NDUFAF7: variants seen among roughly 807,000 people sequenced by gnomAD.
NDUFAF7 encodes protein arginine methyltransferase NDUFAF7, mitochondrial.
A neutral mutation model predicts 47.2 loss-of-function variants in NDUFAF7; 48 were observed. That is an observed-to-expected ratio of 1.02 (90% confidence interval 0.81 to 1.29). The LOEUF is 1.29. Ranked by LOEUF, NDUFAF7 falls within the 50% of genes most tolerant of loss-of-function variation. The probability of loss-of-function intolerance (pLI) is 0.00; values close to 1 mark genes in which losing one functional copy is unlikely to be tolerated. For missense variants in NDUFAF7, 635 were observed against 537.6 expected, an observed-to-expected ratio of 1.18 and a Z score of -1.79; for synonymous variants, 217 against 190.0, an observed-to-expected ratio of 1.14 and a Z score of -1.17.
chr2:37,239,424 C>T lies in NDUFAF7; in HGVS notation c.408+1557C>T, dbSNP rs142388595. ...ATGAGCCCCCGTACCCAGCCTTGTA[C>T]AACCTTTTTGAAAAGCTATTGGCCA... On this transcript the variant is annotated intron_variant, in intron 4 of 9. Coordinates refer to ENST00000002125, the MANE Select transcript of NDUFAF7 (RefSeq NM_144736.5). Among the ~76,000 whole-genome samples the T allele has an allele frequency of 1.7e-3, 258 of 152,210 alleles. 1 individual carries two copies. The highest frequency in any genetic ancestry group is 6.0e-3 in the African/African-American group (251 of 41,532).
downstream of NDUFAF7, among the ~76,000 whole-genome samples, chr2:37,257,667 A>T (rs1668075832): frequency 1.3e-5 from 1 of 78,736 alleles, no homozygotes; most frequent in Non-Finnish European, 2.1e-5. Context: ...ACTCTGTCTC[A>T]AAAGAAAAAA....
rs767858865 is a variant in NDUFAF7 at position 37,247,579 on chromosome 2, A to G, written c.1060A>G (p.Ile354Val). 4 of 1,614,130 alleles carry G rather than the reference A, an allele frequency of 2.5e-6. No homozygotes were observed. The highest frequency in any genetic ancestry group is 1.1e-5 in the South Asian group (1 of 91,086). The change falls in exon 9 of 10, where the codon ATA becomes GTA. Residue 354 changes from isoleucine (I) to valine (V), a missense_variant. Coordinates refer to ENST00000002125, the MANE Select transcript of NDUFAF7 (RefSeq NM_144736.5). Reference protein sequence around the residue: ...AQGKVASLGPIKQHTFLKNMG... With the variant: ...AQGKVASLGPVKQHTFLKNMG... ...GGGAAAAGTAGCCTCTCTGGGCCCAATAAAACAACACACATTTTTAAAAAA... is the reference window on the plus strand; with the variant it reads ...GGGAAAAGTAGCCTCTCTGGGCCCAGTAAAACAACACACATTTTTAAAAAA...
At chr2:37,264,957 G>C in the NDUFAF7 span, among the ~76,000 whole-genome samples, 6 of 152,178 alleles carry the variant, frequency 3.9e-5, no homozygotes, top group Non-Finnish European at 8.8e-5. Context: ...CAGTGATCCT[G>C]TGATTTTTCC....
the NDUFAF7 span, chr2:37,267,607 G>T: frequency 9.1e-7 from 1 of 1,103,874 alleles, no homozygotes; most frequent in South Asian, 1.3e-5. Flanking sequence ...TCCACAGACT[G>T]AAATTTATAT....
intron 3 of NDUFAF7, 70 bp downstream of exon 3, chr2:37,236,246 T>A: frequency 7.7e-7 from 1 of 1,301,220 alleles, no homozygotes; most frequent in Non-Finnish European, 1.1e-6. Context: ...TGTATTATTC[T>A]GTAGTAGTGT....
rs1667211058 is a variant in NDUFAF7, at chr2:37,248,885, G to A, written c.*535G>A. ...GCTGAGATCGTGCCACTGCACTCCA[G>A]CCTGGGCAACAAGAGCAAAAATCCC... On this transcript the variant is annotated 3_prime_UTR_variant, in exon 10 of 10. Transcript: ENST00000002125. 1 of 154,832 alleles carries A rather than the reference G, an allele frequency of 6.5e-6. No individual in the cohort carries two copies. Among genetic ancestry groups the A allele is most frequent in the South Asian group, 1.9e-4 (1 of 5,216 alleles). 9.6% of individuals were successfully genotyped at this position (154,832 alleles called of 1,614,324 possible). A position where few individuals can be genotyped will look rare whatever the true frequency, so the allele number is the denominator to read the frequency against.
chr2:37,263,914 A>G, the NDUFAF7 span, among the ~76,000 whole-genome samples: 4 of 152,176 alleles, frequency 2.6e-5, no homozygotes, highest in African/African-American at 9.7e-5. Flanking sequence ...TGAGAACGGG[A>G]AAATGCTGAA....
intron 2 of NDUFAF7, 82 bp downstream of exon 2, chr2:37,232,348 C>T (rs964082738): frequency 1.3e-6 from 2 of 1,569,626 alleles, no homozygotes; most frequent in Non-Finnish European, 1.8e-6. Flanking sequence ...CCCGAAGGTT[C>T]TCAGCCCAGG....
intron 2 of NDUFAF7, among the ~76,000 whole-genome samples, chr2:37,233,261 G>C (rs1405609822): frequency 1.3e-5 from 2 of 152,210 alleles, no homozygotes; most frequent in Non-Finnish European, 2.9e-5. Context: ...CCTACACCAG[G>C]AGCTGCATTT....
chr2:37,266,962 C>CA, the NDUFAF7 span, among the ~76,000 whole-genome samples: 1 of 152,150 alleles, frequency 6.6e-6, no homozygotes, highest in East Asian at 1.9e-4. Flanking sequence ...ATGAAAAACA[C>CA]ATAGGAATTT....
At chr2:37,236,045 A>G (rs929317031) in intron 2 of NDUFAF7, 51 bp from the exon 3 acceptor site, 2 of 1,435,518 alleles carry the variant, frequency 1.4e-6, no homozygotes, top group Admixed American at 1.7e-5. Context: ...GTATTTTTAA[A>G]AGGCTTATTT....
chr2:37,254,262 T>A, downstream of NDUFAF7: 1 of 1,613,430 alleles, frequency 6.2e-7, no homozygotes, highest in Non-Finnish European at 8.5e-7. Flanking sequence ...CATCTTCACT[T>A]GAAGCAGATT....
At chr2:37,242,793 G>A in intron 6 of NDUFAF7, 100 bp downstream of exon 6, 1 of 927,920 alleles carries the variant, frequency 1.1e-6, no homozygotes, top group South Asian at 1.7e-5. Context: ...TTTACTTGTT[G>A]AGGTTATTTT....
the NDUFAF7 span, chr2:37,269,546 G>T: frequency 7.4e-7 from 1 of 1,351,008 alleles, no homozygotes. Flanking sequence ...CAAAACAGCT[G>T]GCAGATGTTT....
chr2:37,231,824 C>A, intron 1 of NDUFAF7, 64 bp downstream of exon 1: 2 of 1,608,852 alleles, frequency 1.2e-6, no homozygotes, highest in Non-Finnish European at 1.7e-6. Flanking sequence ...TTCCTCAGCT[C>A]TTCAGTTGAG....
At chr2:37,254,318 G>C, downstream of NDUFAF7, 1 of 1,569,524 alleles carries the variant, frequency 6.4e-7, no homozygotes, top group Non-Finnish European at 8.8e-7. Context: ...CAAGATACAT[G>C]AATTTGGGTG....
downstream of NDUFAF7, among the ~76,000 whole-genome samples, chr2:37,250,147 CTAAAG>C (rs371542855): frequency 3.6e-3 from 549 of 151,964 alleles, 4 homozygotes; most frequent in African/African-American, 0.013. Context: ...CACCCCTGCA[CTAAAG>C]TAAAGGAAGA....
At chr2:37,251,781 G>A (rs972585184), downstream of NDUFAF7, 1 of 151,894 alleles carries the variant, frequency 6.6e-6, no homozygotes, top group South Asian at 2.1e-4. Context: ...AGGAACTGCC[G>A]ACAGACCTGC....
the NDUFAF7 span, among the ~76,000 whole-genome samples, chr2:37,262,960 G>A: frequency 1.3e-5 from 2 of 150,850 alleles, no homozygotes; most frequent in African/African-American, 2.4e-5. Flanking sequence ...GCTTAGGATG[G>A]CCATTTTATT....
Sources: allele counts gnomAD v4.1 joint callset (sites outside exome capture counted in the v4.1 genomes callset), GRCh38; gene constraint gnomAD v4.1.1; transcripts MANE v1.5; gene names NCBI Gene and HGNC (gene_info 2026-07-23, HGNC 2026-07-21).